Variants in ATP23 observed in about 807,000 individuals in gnomAD.
ATP23 encodes ATP23 metallopeptidase and ATP synthase assembly factor homolog.
ATP23 carries 24 observed loss-of-function variants against 28.5 expected under a neutral mutation model. The ratio of observed to expected loss-of-function variants is 0.84; its 90% CI spans 0.61 to 1.18. The LOEUF (loss-of-function observed/expected upper bound fraction) is 1.18, where lower values mean the gene tolerates loss of function less well. Ranked by LOEUF, ATP23 falls within the 50% of genes most tolerant of loss-of-function variation. The pLI is 0.00. For synonymous variants in ATP23, 99 were observed against 108.6 expected (o/e 0.91, Z 0.55); for missense variants, 274 against 306.4 (o/e 0.89, Z 0.79).
Position 57,957,855 on chromosome 12 carries a change from G to A in ATP23, c.*965G>A, listed in dbSNP as rs1320077420. Among the ~76,000 whole-genome samples the A allele has an allele frequency of 6.6e-6, 1 of 152,182 alleles. No individual in the cohort carries two copies. The highest frequency in any genetic ancestry group is 6.5e-5 in the Admixed American group (1 of 15,286). On this transcript the variant is annotated 3_prime_UTR_variant, in exon 6 of 6. Coordinates refer to ENST00000300145, the MANE Select transcript of ATP23 (RefSeq NM_033276.4). ...AGAAGGACATCTCTAGCTGAACTTT[G>A]TAACTATTTCAATGGGGCAAGAAGC...
chr12:57,950,267 G>T (rs944605797), intron 3 of ATP23, among the ~76,000 whole-genome samples: 2 of 151,922 alleles, frequency 1.3e-5, no homozygotes, highest in African/African-American at 4.8e-5. Context: ...TTGGCCCCCC[G>T]ACCTCACCAG....
intron 2 of ATP23, 134 bp downstream of exon 2, chr12:57,945,807 T>C (rs1956754724): frequency 1.3e-6 from 1 of 746,092 alleles, no homozygotes; most frequent in African/African-American, 1.8e-5. Context: ...TAGAGGTAAT[T>C]GGCTGCATTG....
chr12:57,951,645 A>G (rs1956815187), intron 3 of ATP23, 113 bp from the exon 4 acceptor site: 1 of 1,176,168 alleles, frequency 8.5e-7, no homozygotes, highest in Admixed American at 1.8e-5. Flanking sequence ...GGGTAGAGAT[A>G]TTCCAGGCAG....
At chr12:57,947,151 T>G in intron 3 of ATP23, 75 bp downstream of exon 3, 1 of 1,392,666 alleles carries the variant, frequency 7.2e-7, no homozygotes, top group South Asian at 1.2e-5. Flanking sequence ...TTCCACATGC[T>G]CGGCATTCTG....
intron 2 of ATP23, among the ~76,000 whole-genome samples, chr12:57,946,446 ATTTTTTTTTTT>A (rs369316315): frequency 2.9e-5 from 3 of 104,034 alleles, no homozygotes; most frequent in African/African-American, 7.7e-5. Flanking sequence ...AGTTGAACAA[ATTTTTTTTTTT>A]TTTTTTTTTT....
chr12:57,948,039 C>T (rs757195094), intron 3 of ATP23, among the ~76,000 whole-genome samples: 2 of 152,236 alleles, frequency 1.3e-5, no homozygotes, highest in Non-Finnish European at 2.9e-5. Flanking sequence ...GACTTGAGTT[C>T]AAATCCTAGT....
In ATP23 at chr12:57,958,130, A is replaced by G. The variant is rs1167331648; in HGVS notation, c.*1240A>G. Reference sequence around the variant, plus strand: ...GCCGGCTTTCCCCTACTTCCCTGACAACCTGCATGACTCCCCAGAGGCAGT... The same window carrying G: ...GCCGGCTTTCCCCTACTTCCCTGACGACCTGCATGACTCCCCAGAGGCAGT... On this transcript the variant is annotated 3_prime_UTR_variant, in exon 6 of 6. Coordinates refer to ENST00000300145, the MANE Select transcript of ATP23 (RefSeq NM_033276.4). Among the ~76,000 whole-genome samples, 1 of 151,952 alleles carries G rather than the reference A, an allele frequency of 6.6e-6. No homozygotes were observed. Among genetic ancestry groups the G allele is most frequent in the African/African-American group, 2.4e-5 (1 of 41,358 alleles).
In ATP23 at chr12:57,950,852, C is replaced by T. The variant is rs60349231; in HGVS notation, c.316-906C>T. ...CCTCATTGTATATGCTCATGACAACCTGGGTTTTTCTTCATGACAACTGTC... is the reference window on the plus strand; with the variant it reads ...CCTCATTGTATATGCTCATGACAACTTGGGTTTTTCTTCATGACAACTGTC... On this transcript the variant is annotated intron_variant, in intron 3 of 5. Coordinates refer to ENST00000300145, the MANE Select transcript of ATP23 (RefSeq NM_033276.4). 2.3e-3 allele frequency among the ~76,000 whole-genome samples: 357 copies of T among 152,278 alleles called. 2 individuals carry two copies. Among genetic ancestry groups the T allele is most frequent in the African/African-American group, 8.1e-3 (337 of 41,562 alleles).
At chr12:57,941,990 GCA>G in intron 1 of ATP23, 102 bp downstream of exon 1, 1 of 1,438,690 alleles carries the variant, frequency 7.0e-7, no homozygotes. Context: ...TTCAGGTTCA[GCA>G]CAGAGTCTAG....
intron 3 of ATP23, among the ~76,000 whole-genome samples, chr12:57,948,563 G>C (rs768417293): frequency 7.4e-4 from 112 of 152,272 alleles, no homozygotes; most frequent in Admixed American, 1.0e-3. Flanking sequence ...GATTACAGGC[G>C]TGAGCCACTG....
chr12:57,951,389 G>A (rs1956812770), intron 3 of ATP23, among the ~76,000 whole-genome samples: 1 of 152,154 alleles, frequency 6.6e-6, no homozygotes, highest in African/African-American at 2.4e-5. Context: ...GGGTGGAGCT[G>A]GAATTTGAAT....
chr12:57,943,807 T>A (rs1386060198), intron 1 of ATP23, among the ~76,000 whole-genome samples: 4 of 151,924 alleles, frequency 2.6e-5, no homozygotes, highest in Admixed American at 2.6e-4. Flanking sequence ...ATAGATAGGA[T>A]GTGAGGAAGG....
chr12:57,942,568 C>T (rs1033318676), intron 1 of ATP23, among the ~76,000 whole-genome samples: 36 of 152,040 alleles, frequency 2.4e-4, no homozygotes, highest in African/African-American at 8.5e-4. Context: ...GGACTACAGG[C>T]GCTCGCCACC....
rs12825843 is a variant in ATP23, at chr12:57,958,437, T to G, written c.*1547T>G. ...GGCAGGAGGCCAGCCAGCACAAAAA[T>G]AGAGCCTTCAACCACCAAAGCTAAG... On this transcript the variant is annotated 3_prime_UTR_variant, in exon 6 of 6. Transcript: ENST00000300145. Among the ~76,000 whole-genome samples the G allele has an allele frequency of 2.0e-5, 3 of 151,922 alleles. No homozygotes were observed. Among genetic ancestry groups the G allele is most frequent in the Admixed American group, 2.0e-4 (3 of 15,256 alleles).
chr12:57,954,616 T>C (rs1956848176), intron 5 of ATP23, among the ~76,000 whole-genome samples: 2 of 152,194 alleles, frequency 1.3e-5, no homozygotes. Context: ...GACTCATGGA[T>C]TGATAATGAA....
chr12:57,949,059 A>G (rs1321730218), intron 3 of ATP23, among the ~76,000 whole-genome samples: 1 of 152,138 alleles, frequency 6.6e-6, no homozygotes, highest in Non-Finnish European at 1.5e-5. Context: ...TTTATACTAT[A>G]GTTTACTCTA....
intron 3 of ATP23, among the ~76,000 whole-genome samples, chr12:57,951,428 C>T (rs1956813160): frequency 6.6e-6 from 1 of 152,166 alleles, no homozygotes; most frequent in Admixed American, 6.5e-5. Context: ...AGCCCACTCT[C>T]TTAACCATAA....
rs1956704815 is a variant in ATP23 at position 57,941,739 on chromosome 12, C to T, written c.38C>T (p.Ala13Val). 1.9e-6 allele frequency: 3 copies of T among 1,596,290 alleles called. No homozygotes were observed. The South Asian group carries it at 3.4e-5, about 18-fold the overall frequency. Residue 13 changes from alanine to valine, a missense_variant, in exon 1 of 6, where the codon GCG (alanine) becomes GTG (valine). Coordinates refer to ENST00000300145, the MANE Select transcript of ATP23 (RefSeq NM_033276.4). ...CCGGACGAGCGCCGGCGGGGCCCCG[C>T]GGCAGGGGAGCAGCTGCAGCAGCAA... is the stretch of plus-strand genomic sequence containing the variant. ...GAPDERRRGP[A>V]AGEQLQQQHV...
Position 57,941,806 on chromosome 12 carries a change from G to A in ATP23, c.105G>A (p.Gly35=). The A allele has an allele frequency of 6.2e-7, 1 of 1,612,100 alleles. No homozygotes were observed. ...CQVFPERLAQ[G]NPQQGFFSSF... ...TCTTCCCCGAGCGTCTGGCCCAGGG[G>A]AATCCCCAGCAAGGGTTCTTCTCCA... The change falls in exon 1 of 6, where the codon GGG becomes GGA. Residue 35 remains glycine (G), a synonymous_variant. Transcript: ENST00000300145.
Sources: allele counts gnomAD v4.1 joint callset (sites outside exome capture counted in the v4.1 genomes callset), GRCh38; gene constraint gnomAD v4.1.1; transcripts MANE v1.5; gene names NCBI Gene and HGNC (gene_info 2026-07-23, HGNC 2026-07-21).